BNC2: variants seen among roughly 807,000 people sequenced by gnomAD.
BNC2 encodes zinc finger protein basonuclin-2.
In BNC2, 20 loss-of-function variants were observed where a neutral mutation model predicts 76.3. The observed-to-expected ratio is 0.26, with a 90% confidence interval of 0.18 to 0.38. BNC2 has a LOEUF of 0.38. Among genes scored for constraint, BNC2 ranks in the 10% least tolerant of loss-of-function variants. The probability of loss-of-function intolerance (pLI) is 1.00; values close to 1 mark genes in which losing one functional copy is unlikely to be tolerated. For missense variants in BNC2, 1,382 were observed against 1,399.8 expected, an observed-to-expected ratio of 0.99 and a Z score of 0.20; for synonymous variants, 582 against 514.8, an observed-to-expected ratio of 1.13 and a Z score of -1.77.
At chr9:16,848,417 T>C (rs1586933084) in intron 1 of BNC2, among the ~76,000 whole-genome samples, 1 of 152,172 alleles carries the variant, frequency 6.6e-6, no homozygotes, top group African/African-American at 2.4e-5. Context: ...ATTCAGAACC[T>C]ATCCAATGCA....
rs1820504467 is a variant in BNC2, at chr9:16,412,915, T to C, written c.*6074A>G. ...AAGTGCTGAACTGGAAAGCACACTA[T>C]TAGTTTGTGTCCCTTCAGGGCCAGG... is the stretch of plus-strand genomic sequence containing the variant. On this transcript the variant is annotated 3_prime_UTR_variant, in exon 7 of 7. Coordinates refer to ENST00000380672, the MANE Select transcript of BNC2 (RefSeq NM_017637.6). 3 of 152,644 alleles carry C rather than the reference T, an allele frequency of 2.0e-5. No homozygotes were observed. Among genetic ancestry groups the C allele is most frequent in the Non-Finnish European group, 4.4e-5 (3 of 68,054 alleles). The allele number at this position is 152,644 out of a possible 1,614,324, so 9.5% of individuals were successfully genotyped here.
In BNC2 at chr9:16,437,943, A is replaced by G. The variant is rs1313402530; in HGVS notation, c.670-419T>C. 2.0e-5 allele frequency among the ~76,000 whole-genome samples: 3 copies of G among 152,244 alleles called. No homozygotes were observed. The East Asian group carries it at 5.8e-4, about 29-fold the overall frequency. On this transcript the variant is annotated intron_variant, in intron 5 of 6. Transcript: ENST00000380672. The stretch of plus-strand genomic sequence containing the variant: ...TTAGTCCTTATTAAATAGTGATACT[A>G]TAGGAAGGAATTAAGTACTTCTTGT...
At chr9:16,772,418 T>G (rs1825855871) in intron 1 of BNC2, among the ~76,000 whole-genome samples, 1 of 152,182 alleles carries the variant, frequency 6.6e-6, no homozygotes, top group African/African-American at 2.4e-5. Flanking sequence ...AACATTTTTT[T>G]CCTTGTTCAT....
At chr9:16,745,447 G>C (rs1477285277) in intron 1 of BNC2, among the ~76,000 whole-genome samples, 2 of 152,210 alleles carry the variant, frequency 1.3e-5, no homozygotes, top group Admixed American at 1.3e-4. Context: ...TAAAGATATG[G>C]TAACAGAAAC....
intron 5 of BNC2, among the ~76,000 whole-genome samples, chr9:16,516,421 A>G (rs1456438565): frequency 6.6e-6 from 1 of 152,148 alleles, no homozygotes; most frequent in Non-Finnish European, 1.5e-5. Flanking sequence ...TTTACAGTGG[A>G]TAACAGTTAT....
intron 1 of BNC2, among the ~76,000 whole-genome samples, chr9:16,806,532 A>T (rs1279055713): frequency 6.6e-6 from 1 of 152,240 alleles, no homozygotes; most frequent in Non-Finnish European, 1.5e-5. Context: ...CTGGGAAATT[A>T]CGCCATAAGT....
chr9:16,481,325 C>G (rs1311985354), intron 5 of BNC2, among the ~76,000 whole-genome samples: 1 of 152,102 alleles, frequency 6.6e-6, no homozygotes, highest in African/African-American at 2.4e-5. Flanking sequence ...CGCTCGGGTC[C>G]CCTTCCACAT....
At chr9:16,715,152 C>T (rs1374196739) in intron 3 of BNC2, among the ~76,000 whole-genome samples, 1 of 152,174 alleles carries the variant, frequency 6.6e-6, no homozygotes, top group East Asian at 1.9e-4. Context: ...TTTTCATCTA[C>T]ATCAATTACT....
chr9:16,705,861 A>G (rs923715267), intron 3 of BNC2, among the ~76,000 whole-genome samples: 3 of 152,224 alleles, frequency 2.0e-5, no homozygotes, highest in Admixed American at 6.5e-5. Context: ...AGAAGTTGAG[A>G]GAAAAATTCA....
Position 16,634,651 on chromosome 9 carries a change from G to T in BNC2, c.331-51566C>A, listed in dbSNP as rs761684772. Among the ~76,000 whole-genome samples the T allele has an allele frequency of 7.8e-4, 119 of 152,058 alleles. 1 individual carries two copies. The Middle Eastern group carries it at 0.014, about 17-fold the overall frequency. ...CGAGTAGCTGGGGCTACAGGCACCT[G>T]CCACCACACCTGGCTAATTTTTTGT... On this transcript the variant is annotated intron_variant, in intron 3 of 6. Transcript: ENST00000380672.
chr9:16,529,214 T>C (rs1424808737), intron 5 of BNC2, among the ~76,000 whole-genome samples: 2 of 152,124 alleles, frequency 1.3e-5, no homozygotes, highest in Non-Finnish European at 2.9e-5. Context: ...TTTTTCCAAA[T>C]AAGGTACCAT....
In BNC2 at chr9:16,418,953, T is replaced by A. The variant is rs748408644; in HGVS notation, c.*36A>T. On this transcript the variant is annotated 3_prime_UTR_variant, in exon 7 of 7. Transcript: ENST00000380672. Reference sequence around the variant, plus strand: ...TGGCAGTTCAAACACGTAGGCCATCTGGTGAGAGCTGGCATTTGTAGTGTC... The same window carrying A: ...TGGCAGTTCAAACACGTAGGCCATCAGGTGAGAGCTGGCATTTGTAGTGTC... 10 of 1,611,934 alleles carry A rather than the reference T, an allele frequency of 6.2e-6. No individual in the cohort carries two copies. Among genetic ancestry groups the A allele is most frequent in the Admixed American group, 1.7e-5 (1 of 59,990 alleles).
chr9:16,455,707 G>A (rs562572840), intron 5 of BNC2, among the ~76,000 whole-genome samples: 47 of 151,760 alleles, frequency 3.1e-4, no homozygotes, highest in African/African-American at 9.7e-4. Context: ...CAGGAGAATC[G>A]CTTGAACCCA....
chr9:16,546,177 A>C (rs1416179590), intron 5 of BNC2, among the ~76,000 whole-genome samples: 1 of 152,238 alleles, frequency 6.6e-6, no homozygotes, highest in Non-Finnish European at 1.5e-5. Context: ...TTTATTGAGA[A>C]GGAGTTCACA....
intron 5 of BNC2, among the ~76,000 whole-genome samples, chr9:16,511,707 G>T (rs926782101): frequency 6.6e-5 from 10 of 152,074 alleles, no homozygotes; most frequent in African/African-American, 2.4e-4. Flanking sequence ...GAGATTACAG[G>T]CGTGAGACAC....
At chr9:16,604,972 C>A (rs760593022) in intron 3 of BNC2, among the ~76,000 whole-genome samples, 1 of 152,172 alleles carries the variant, frequency 6.6e-6, no homozygotes, top group Non-Finnish European at 1.5e-5. Flanking sequence ...CTGTACCAAA[C>A]AAATCCCTCC....
chr9:16,420,432 TAAGACA>T (rs1820686228), intron 6 of BNC2, among the ~76,000 whole-genome samples: 1 of 151,700 alleles, frequency 6.6e-6, no homozygotes, highest in Non-Finnish European at 1.5e-5. Context: ...TTTAATTCTT[TAAGACA>T]AAAACGGAAA....
chr9:16,665,679 G>T (rs1822270736), intron 3 of BNC2, among the ~76,000 whole-genome samples: 1 of 152,108 alleles, frequency 6.6e-6, no homozygotes, highest in Non-Finnish European at 1.5e-5. Flanking sequence ...AATGCATAAT[G>T]CAAGTTAATT....
intron 6 of BNC2, chr9:16,429,590 G>C (rs180921783): frequency 5.5e-6 from 1 of 183,264 alleles, no homozygotes; most frequent in Admixed American, 5.6e-5. Flanking sequence ...GAATTTTCAA[G>C]ATAATGCTGG....
Sources: gnomAD v4.1 joint callset for allele counts (sites outside exome capture counted in the v4.1 genomes callset) on GRCh38, gnomAD v4.1.1 for gene constraint, MANE v1.5 for transcripts, NCBI Gene and HGNC (gene_info 2026-07-23, HGNC 2026-07-21) for gene names.